Variants in CD44 observed in about 807,000 individuals in gnomAD.
CD44 encodes the protein CD44 molecule (IN blood group).
A neutral mutation model predicts 88.8 loss-of-function variants in CD44; 49 were observed. That is an observed-to-expected ratio of 0.55 (90% CI 0.44 to 0.70). The LOEUF (loss-of-function observed/expected upper bound fraction) is 0.70, where lower values mean the gene tolerates loss of function less well. Among genes scored for constraint, CD44 ranks in the 30% least tolerant of loss-of-function variants. The pLI is 0.00. For synonymous variants in CD44, 325 were observed against 312.3 expected (o/e 1.04, Z -0.43); for missense variants, 883 against 913.8 (o/e 0.97, Z 0.43).
chr11:35,151,256 G>C (rs926248918), intron 1 of CD44, among the ~76,000 whole-genome samples: 4 of 152,118 alleles, frequency 2.6e-5, no homozygotes, highest in Non-Finnish European at 5.9e-5. Context: ...AGAACAGTGA[G>C]AGATGAGGTC....
chr11:35,162,292 G>A (rs765855909), intron 1 of CD44, among the ~76,000 whole-genome samples: 27 of 152,202 alleles, frequency 1.8e-4, no homozygotes, highest in East Asian at 5.8e-4. Context: ...GGTCACCAAT[G>A]TCTATGGTGA....
At position 35,221,651 on chromosome 11, in the gene CD44, C is replaced by T. The variant is rs1244614270; in HGVS notation, c.1946-3C>T. 6.2e-7 allele frequency: 1 copy of T among 1,613,184 alleles called. No individual in the cohort carries two copies. The highest frequency in any genetic ancestry group is 8.5e-7 in the Non-Finnish European group (1 of 1,179,252). On this transcript the variant is annotated splice_polypyrimidine_tract_variant and splice_region_variant and intron_variant, in intron 16 of 17. Coordinates refer to ENST00000428726, the MANE Select transcript of CD44 (RefSeq NM_000610.4). The stretch of plus-strand genomic sequence containing the variant: ...CGCATGTCATTTAATTTACTCATAC[C>T]AGAATGGCTGATCATCTTGGCATCC...
At chr11:35,172,011 T>A (rs1943963220) in intron 1 of CD44, among the ~76,000 whole-genome samples, 1 of 152,018 alleles carries the variant, frequency 6.6e-6, no homozygotes, top group Non-Finnish European at 1.5e-5. Context: ...CGATACATTT[T>A]TTCTTCAAAA....
intron 1 of CD44, among the ~76,000 whole-genome samples, chr11:35,161,259 C>A (rs1942561916): frequency 6.6e-6 from 1 of 152,078 alleles, no homozygotes; most frequent in African/African-American, 2.4e-5. Flanking sequence ...AAAAAGCACC[C>A]CATAAGGAAG....
chr11:35,222,432 T>A (rs1949378723), intron 17 of CD44: 1 of 1,293,748 alleles, frequency 7.7e-7, no homozygotes, highest in Admixed American at 2.4e-5. Flanking sequence ...TTCTTGCTGT[T>A]AGGAGGTCTA....
intron 3 of CD44, among the ~76,000 whole-genome samples, chr11:35,184,324 A>G (rs1437328569): frequency 6.6e-6 from 1 of 152,202 alleles, no homozygotes; most frequent in African/African-American, 2.4e-5. Context: ...GGTTTGTGAC[A>G]TCATGCTCCA....
At chr11:35,148,763 A>G (rs116725278) in intron 1 of CD44, among the ~76,000 whole-genome samples, 112 of 152,258 alleles carry the variant, frequency 7.4e-4, no homozygotes, top group Middle Eastern at 3.4e-3. Flanking sequence ...TGCTCAATAA[A>G]CACTTGGATG....
chr11:35,219,117 C>T (rs2134322414), intron 15 of CD44, 199 bp from the exon 16 acceptor site: 2 of 574,018 alleles, frequency 3.5e-6, no homozygotes, highest in South Asian at 4.1e-5. Flanking sequence ...CACAAAATAA[C>T]ATTACTAAGC....
At chr11:35,202,274 A>G (rs1565123783) in intron 9 of CD44, among the ~76,000 whole-genome samples, 1 of 152,170 alleles carries the variant, frequency 6.6e-6, no homozygotes, top group Non-Finnish European at 1.5e-5. Flanking sequence ...CAAAGTTGGT[A>G]GCTCTTATGG....
intron 17 of CD44, chr11:35,222,477 T>A (rs1949382575): frequency 2.4e-6 from 3 of 1,243,272 alleles, no homozygotes; most frequent in Middle Eastern, 2.2e-4. Flanking sequence ...GGAAAACAAC[T>A]AAATGAAGAC....
intron 15 of CD44, among the ~76,000 whole-genome samples, chr11:35,215,731 G>A (rs777759180): frequency 6.6e-6 from 1 of 151,744 alleles, no homozygotes; most frequent in Admixed American, 6.6e-5. Context: ...AATTAGCCGG[G>A]CGTGGTCCTG....
At position 35,231,342 on chromosome 11, in the gene CD44, C is replaced by T. The variant is rs1463478372; in HGVS notation, c.*2009C>T. Reference sequence around the variant, plus strand: ...TGAAAAGCAACAAGCCACTCCAGGACAAGGTTCAAAATGGTTACAACAGCC... The same window carrying T: ...TGAAAAGCAACAAGCCACTCCAGGATAAGGTTCAAAATGGTTACAACAGCC... On this transcript the variant is annotated 3_prime_UTR_variant, in exon 18 of 18. Transcript: ENST00000428726. 1 of 152,128 alleles carries T rather than the reference C, an allele frequency of 6.6e-6. No homozygotes were observed. The highest frequency in any genetic ancestry group is 2.4e-5 in the African/African-American group (1 of 41,396). 9.4% of individuals were successfully genotyped at this position (152,128 alleles called of 1,614,324 possible). A position where few individuals can be genotyped will look rare whatever the true frequency, so the allele number is the denominator to read the frequency against.
In CD44 at chr11:35,204,549, T is replaced by A; in HGVS notation, c.1191T>A (p.Ala397=). The change falls in exon 10 of 18, where the codon GCT becomes GCA. Residue 397 remains alanine (A), a synonymous_variant. Coordinates refer to ENST00000428726, the MANE Select transcript of CD44 (RefSeq NM_000610.4). ...CTAGTAGTACAACGGAAGAAACAGCTACCCAGAAGGAACAGTGGTTTGGCA... is the reference window on the plus strand; with the variant it reads ...CTAGTAGTACAACGGAAGAAACAGCAACCCAGAAGGAACAGTGGTTTGGCA... The part of the protein sequence containing the change: ...ATPSSTTEET[A]TQKEQWFGNR... 6.2e-7 allele frequency: 1 copy of A among 1,613,426 alleles called. No individual in the cohort carries two copies. The highest frequency in any genetic ancestry group is 1.1e-5 in the South Asian group (1 of 91,066).
intron 2 of CD44, 43 bp from the exon 3 acceptor site, chr11:35,180,231 T>A (rs1944857782): frequency 1.9e-6 from 3 of 1,606,380 alleles, no homozygotes; most frequent in Admixed American, 1.7e-5. Context: ...GAAATTCCCA[T>A]CTTAGCCATT....
At chr11:35,174,485 C>G (rs2133597451) in intron 1 of CD44, among the ~76,000 whole-genome samples, 1 of 152,320 alleles carries the variant, frequency 6.6e-6, no homozygotes, top group Non-Finnish European at 1.5e-5. Context: ...GTTTCAATGA[C>G]TTAACCCTTT....
At chr11:35,174,637 A>AT (rs1944255235) in intron 1 of CD44, among the ~76,000 whole-genome samples, 1 of 152,212 alleles carries the variant, frequency 6.6e-6, no homozygotes, top group Admixed American at 6.5e-5. Flanking sequence ...TTTCAGATTA[A>AT]TGTCTACAAA....
intron 1 of CD44, among the ~76,000 whole-genome samples, chr11:35,144,479 T>C (rs1858700085): frequency 6.6e-6 from 1 of 152,242 alleles, no homozygotes; most frequent in South Asian, 2.1e-4. Context: ...TTCTTTAGAA[T>C]GGCAGGGTAG....
chr11:35,180,403 T>C lies in CD44; in HGVS notation c.363T>C (p.Ala121=), dbSNP rs1944874125. 1 of 1,614,102 alleles carries C rather than the reference T, an allele frequency of 6.2e-7. No homozygotes were observed. The highest frequency in any genetic ancestry group is 8.5e-7 in the Non-Finnish European group (1 of 1,179,976). ...TSQYDTYCFN[A]SAPPEEDCTS... ...AGTATGACACATATTGCTTCAATGC[T>C]TCAGGTTGGTTCTCAGGGGGGTGTC... Residue 121 remains alanine, a synonymous_variant, in exon 3 of 18, where the codon GCT becomes GCC. Coordinates refer to ENST00000428726, the MANE Select transcript of CD44 (RefSeq NM_000610.4).
At chr11:35,173,117 G>T (rs1944088392) in intron 1 of CD44, among the ~76,000 whole-genome samples, 1 of 152,222 alleles carries the variant, frequency 6.6e-6, no homozygotes, top group Admixed American at 6.5e-5. Flanking sequence ...TAATAAGAAA[G>T]AAACTACCAT....
Sources: gnomAD v4.1 joint callset for allele counts (sites outside exome capture counted in the v4.1 genomes callset) on GRCh38, gnomAD v4.1.1 for gene constraint, MANE v1.5 for transcripts, NCBI Gene and HGNC (gene_info 2026-07-23, HGNC 2026-07-21) for gene names.